ATG4C: variants seen among roughly 807,000 people sequenced by gnomAD.
The protein encoded by ATG4C is autophagy related 4C cysteine peptidase, also known as cysteine protease ATG4C.
ATG4C carries 56 observed loss-of-function variants against 57.6 expected under a neutral mutation model. The ratio of observed to expected loss-of-function variants is 0.97; its 90% CI spans 0.78 to 1.21. The LOEUF (loss-of-function observed/expected upper bound fraction) is 1.21. ATG4C is among the 50% of genes most tolerant of loss of function. The pLI, the probability that ATG4C is intolerant of heterozygous loss-of-function variation, is 0.00. For missense variants in ATG4C, 595 were observed against 529.8 expected, an observed-to-expected ratio of 1.12 and a Z score of -1.21; for synonymous variants, 157 against 174.1, an observed-to-expected ratio of 0.90 and a Z score of 0.78.
chr1:62,812,916 G>T (rs1255324595), intron 3 of ATG4C, among the ~76,000 whole-genome samples: 5 of 152,122 alleles, frequency 3.3e-5, no homozygotes, highest in African/African-American at 1.2e-4. Flanking sequence ...ACTTACAAGG[G>T]ATGTGAAGGA....
At chr1:62,841,623 G>T in intron 10 of ATG4C, 76 bp downstream of exon 10, 1 of 1,216,742 alleles carries the variant, frequency 8.2e-7, no homozygotes, top group Non-Finnish European at 1.1e-6. Flanking sequence ...GCAAAAACCT[G>T]TAAATTATAA....
chr1:62,857,284 G>C (rs1191082628), intron 10 of ATG4C, among the ~76,000 whole-genome samples: 1 of 152,106 alleles, frequency 6.6e-6, no homozygotes, highest in Non-Finnish European at 1.5e-5. Context: ...TCAGATCAGC[G>C]GTGGCATTAG....
chr1:62,829,992 C>T (rs1025477834), intron 7 of ATG4C, among the ~76,000 whole-genome samples: 9 of 151,954 alleles, frequency 5.9e-5, no homozygotes, highest in Admixed American at 3.3e-4. Context: ...ACTATTTGTT[C>T]CCTCCATGAG....
chr1:62,839,605 C>T (rs1330343770), intron 9 of ATG4C, among the ~76,000 whole-genome samples: 3 of 152,166 alleles, frequency 2.0e-5, no homozygotes, highest in African/African-American at 7.2e-5. Flanking sequence ...CCCTAATATA[C>T]TCATATTCCT....
intron 3 of ATG4C, among the ~76,000 whole-genome samples, chr1:62,809,716 A>C (rs1665007786): frequency 6.6e-6 from 1 of 151,124 alleles, no homozygotes; most frequent in Admixed American, 6.6e-5. Flanking sequence ...ACCACAAATG[A>C]ATATGCAATG....
At chr1:62,845,293 A>G (rs976983722) in intron 10 of ATG4C, among the ~76,000 whole-genome samples, 4 of 152,166 alleles carry the variant, frequency 2.6e-5, no homozygotes, top group Non-Finnish European at 5.9e-5. Context: ...AATCTCGTGG[A>G]TATGAATAGT....
intron 1 of ATG4C, among the ~76,000 whole-genome samples, chr1:62,789,614 C>G (rs906475180): frequency 2.6e-5 from 4 of 151,144 alleles, no homozygotes; most frequent in African/African-American, 9.7e-5. Flanking sequence ...GAGATCGGGA[C>G]CATCCTGGCT....
intron 1 of ATG4C, among the ~76,000 whole-genome samples, chr1:62,787,850 T>G (rs1664142014): frequency 6.6e-6 from 1 of 152,146 alleles, no homozygotes; most frequent in Admixed American, 6.5e-5. Context: ...TAAGTGTTTA[T>G]TATCATTATT....
chr1:62,797,472 G>GT (rs1283670133), intron 1 of ATG4C, among the ~76,000 whole-genome samples: 3 of 152,036 alleles, frequency 2.0e-5, no homozygotes, highest in African/African-American at 7.2e-5. Context: ...AATTATGCTT[G>GT]TTTTTTCAGG....
chr1:62,788,270 C>T (rs1474888243), intron 1 of ATG4C, among the ~76,000 whole-genome samples: 7 of 152,190 alleles, frequency 4.6e-5, no homozygotes, highest in Middle Eastern at 6.8e-3. Flanking sequence ...TACTTTTTCC[C>T]TTATTTTTTT....
At chr1:62,849,842 G>A (rs571534623) in intron 10 of ATG4C, among the ~76,000 whole-genome samples, 2 of 152,134 alleles carry the variant, frequency 1.3e-5, no homozygotes, top group East Asian at 1.9e-4. Context: ...GTGGTTCTTG[G>A]TGGTAGGGTT....
At chr1:62,831,825 C>G (rs934948614) in intron 7 of ATG4C, among the ~76,000 whole-genome samples, 8 of 152,204 alleles carry the variant, frequency 5.3e-5, no homozygotes, top group Admixed American at 1.3e-4. Flanking sequence ...TAAACTTGCT[C>G]TAATGCGTTG....
chr1:62,790,318 T>C lies in ATG4C; in HGVS notation c.-69+6045T>C, dbSNP rs189339643. ...TCCTTCCAATTCCTGTTTATATCTCTGTTTTCCCAAAGAGAGAATTCTGAT... is the reference window on the plus strand; with the variant it reads ...TCCTTCCAATTCCTGTTTATATCTCCGTTTTCCCAAAGAGAGAATTCTGAT... On this transcript the variant is annotated intron_variant, in intron 1 of 10. Transcript: ENST00000317868. 3.3e-4 allele frequency among the ~76,000 whole-genome samples: 51 copies of C among 152,340 alleles called. 1 individual carries two copies. Among genetic ancestry groups the C allele is most frequent in the Admixed American group, 3.3e-3 (51 of 15,304 alleles).
intron 1 of ATG4C, among the ~76,000 whole-genome samples, chr1:62,802,424 A>G (rs1393207025): frequency 1.3e-5 from 2 of 151,786 alleles, no homozygotes; most frequent in African/African-American, 4.8e-5. Flanking sequence ...GGATTTTCGG[A>G]TTAACGATCC....
intron 10 of ATG4C, among the ~76,000 whole-genome samples, chr1:62,848,860 A>G (rs766029693): frequency 1.3e-5 from 2 of 152,216 alleles, no homozygotes; most frequent in South Asian, 4.1e-4. Flanking sequence ...ATCTTCTTTA[A>G]TCTAGAACAG....
rs768544717 is a variant in ATG4C, at chr1:62,828,996, G to A, written c.797-44G>A. 2.3e-5 allele frequency: 35 copies of A among 1,523,188 alleles called. No homozygotes were observed. The African/African-American group carries it at 3.0e-4, about 13-fold the overall frequency. 94.4% of individuals were successfully genotyped at this position (1,523,188 alleles called of 1,614,324 possible). A position where few individuals can be genotyped will look rare whatever the true frequency, so the allele number is the denominator to read the frequency against. On this transcript the variant is annotated intron_variant, in intron 6 of 10. Transcript: ENST00000317868. ...TTGGGTAAAAATATTTCTGAAAATC[G>A]CTTTTATATAAAATTTAATACATAT...
At position 62,864,515 on chromosome 1, in the gene ATG4C, C is replaced by T; in HGVS notation, c.*356C>T. On this transcript the variant is annotated 3_prime_UTR_variant, in exon 11 of 11. Transcript: ENST00000317868. Reference sequence around the variant, plus strand: ...AACCCTCCCCCAAAGACTGGGATCACCAAATAGTTTCAAAATTCTCAGTTT... The same window carrying T: ...AACCCTCCCCCAAAGACTGGGATCATCAAATAGTTTCAAAATTCTCAGTTT... 5.6e-6 allele frequency: 1 copy of T among 178,758 alleles called. No homozygotes were observed. Among genetic ancestry groups the T allele is most frequent in the Non-Finnish European group, 1.2e-5 (1 of 86,336 alleles). 11.1% of individuals were successfully genotyped at this position (178,758 alleles called of 1,614,324 possible). A position where few individuals can be genotyped will look rare whatever the true frequency, so the allele number is the denominator to read the frequency against.
intron 6 of ATG4C, among the ~76,000 whole-genome samples, chr1:62,827,026 A>G (rs181294653): frequency 1.1e-3 from 171 of 152,254 alleles, no homozygotes; most frequent in African/African-American, 3.9e-3. Context: ...AAAAGTTGCT[A>G]CTCCATAGGC....
At chr1:62,832,376 A>G (rs111363683) in intron 7 of ATG4C, among the ~76,000 whole-genome samples, 2,436 of 152,252 alleles carry the variant, frequency 0.016, 83 homozygotes, top group African/African-American at 0.055. Context: ...ATTCTCTCAC[A>G]GTTCTGGAGG....
Sources: gnomAD v4.1 joint callset for allele counts (sites outside exome capture counted in the v4.1 genomes callset) on GRCh38, gnomAD v4.1.1 for gene constraint, MANE v1.5 for transcripts, NCBI Gene and HGNC (gene_info 2026-07-23, HGNC 2026-07-21) for gene names.